CDKAL1: variants seen among roughly 807,000 people sequenced by gnomAD.
CDKAL1 encodes the protein CDKAL1 threonylcarbamoyladenosine tRNA methylthiotransferase, also known as threonylcarbamoyladenosine tRNA methylthiotransferase.
In CDKAL1, 32 loss-of-function variants were observed where a neutral mutation model predicts 68.2. The ratio of observed to expected loss-of-function variants is 0.47; its 90% CI spans 0.35 to 0.63. The LOEUF is 0.63. Ranked by LOEUF, CDKAL1 falls within the 30% of genes least tolerant of loss-of-function variation. CDKAL1 has a pLI of 0.00. For missense variants in CDKAL1, 606 were observed against 696.7 expected (o/e 0.87, Z 1.47); for synonymous variants, 234 against 244.3 (o/e 0.96, Z 0.39).
chr6:20,810,473 T>G, intron 8 of CDKAL1, among the ~76,000 whole-genome samples: 1 of 149,674 alleles, frequency 6.7e-6, no homozygotes, highest in East Asian at 2.0e-4. Context: ...ACCTGTTGCC[T>G]GTGGTCTTAG....
At chr6:20,633,887 T>C (rs1767781870) in intron 4 of CDKAL1, among the ~76,000 whole-genome samples, 1 of 152,176 alleles carries the variant, frequency 6.6e-6, no homozygotes, top group Non-Finnish European at 1.5e-5. Flanking sequence ...TGTTATTGAG[T>C]TGTGATAGTA....
At chr6:21,066,326 G>A (rs1237779313) in intron 12 of CDKAL1, among the ~76,000 whole-genome samples, 3 of 151,824 alleles carry the variant, frequency 2.0e-5, no homozygotes, top group African/African-American at 7.3e-5. Context: ...TTTGCAGGTG[G>A]ACCATTTAAT....
intron 9 of CDKAL1, among the ~76,000 whole-genome samples, chr6:20,951,426 A>T (rs1418512322): frequency 6.6e-6 from 1 of 152,150 alleles, no homozygotes; most frequent in African/African-American, 2.4e-5. Flanking sequence ...TTCTTTTATT[A>T]TCAAACTTTT....
At chr6:21,195,867 C>G (rs532103421) in intron 13 of CDKAL1, among the ~76,000 whole-genome samples, 1 of 152,074 alleles carries the variant, frequency 6.6e-6, no homozygotes, top group African/African-American at 2.4e-5. Flanking sequence ...TAGGATGACT[C>G]CTCAGTTGAG....
At chr6:20,650,824 T>G (rs1335611224) in intron 5 of CDKAL1, among the ~76,000 whole-genome samples, 1 of 152,152 alleles carries the variant, frequency 6.6e-6, no homozygotes. Context: ...CTCTCCCCAT[T>G]GCTTGTTTTT....
chr6:21,222,663 G>C (rs992616159), intron 15 of CDKAL1, among the ~76,000 whole-genome samples: 5 of 152,142 alleles, frequency 3.3e-5, no homozygotes, highest in African/African-American at 9.7e-5. Context: ...TTAATCCCCT[G>C]TATGTCCTGG....
chr6:21,229,623 G>A (rs1779879688), intron 15 of CDKAL1, among the ~76,000 whole-genome samples: 2 of 152,132 alleles, frequency 1.3e-5, no homozygotes, highest in South Asian at 4.1e-4. Flanking sequence ...TGGATTTCCT[G>A]TCCTGTCCTG....
At chr6:20,605,371 A>G (rs986731792) in intron 4 of CDKAL1, among the ~76,000 whole-genome samples, 2 of 152,126 alleles carry the variant, frequency 1.3e-5, no homozygotes, top group Non-Finnish European at 2.9e-5. Flanking sequence ...CTCGAGTTCT[A>G]TGCTTAATTT....
chr6:20,806,131 T>G (rs932251464), intron 8 of CDKAL1, among the ~76,000 whole-genome samples: 4 of 152,190 alleles, frequency 2.6e-5, no homozygotes, highest in Non-Finnish European at 5.9e-5. Context: ...TCCTCACACT[T>G]CGCACATCCT....
chr6:20,583,133 G>A lies in CDKAL1; in HGVS notation c.286+34428G>A, dbSNP rs138359477. Reference sequence around the variant, plus strand: ...GAGTTGCCAGCTAACATCTCTTAGCGGGGAGTTGGTAGATAGGTTCTATTT... The same window carrying A: ...GAGTTGCCAGCTAACATCTCTTAGCAGGGAGTTGGTAGATAGGTTCTATTT... On this transcript the variant is annotated intron_variant, in intron 4 of 15. Coordinates refer to ENST00000274695, the MANE Select transcript of CDKAL1 (RefSeq NM_017774.3). 2.5e-3 allele frequency among the ~76,000 whole-genome samples: 381 copies of A among 152,222 alleles called. 1 individual carries two copies. Among genetic ancestry groups the A allele is most frequent in the African/African-American group, 8.8e-3 (365 of 41,536 alleles).
chr6:20,689,635 T>G (rs1022293592), intron 5 of CDKAL1, among the ~76,000 whole-genome samples: 1 of 152,218 alleles, frequency 6.6e-6, no homozygotes, highest in Non-Finnish European at 1.5e-5. Flanking sequence ...ATTTCATGAG[T>G]ATTATATATA....
chr6:20,726,056 G>A (rs746702731), intron 5 of CDKAL1, among the ~76,000 whole-genome samples: 44 of 151,630 alleles, frequency 2.9e-4, no homozygotes, highest in Middle Eastern at 3.4e-3. Context: ...GCCCTGCAAA[G>A]CCATCTTTTA....
rs77061333 is a variant in CDKAL1 at position 20,559,942 on chromosome 6, T to C, written c.286+11237T>C. Reference sequence around the variant, plus strand: ...AAAATGGGCAGATGATAAATTACCATGAAAGCTTCATTTAAAAATCTGTTG... The same window carrying C: ...AAAATGGGCAGATGATAAATTACCACGAAAGCTTCATTTAAAAATCTGTTG... On this transcript the variant is annotated intron_variant, in intron 4 of 15. Coordinates refer to ENST00000274695, the MANE Select transcript of CDKAL1 (RefSeq NM_017774.3). Among the ~76,000 whole-genome samples, 555 of 152,326 alleles carry C rather than the reference T, an allele frequency of 3.6e-3. 6 individuals carry two copies. Among genetic ancestry groups the C allele is most frequent in the African/African-American group, 0.013 (534 of 41,586 alleles).
chr6:21,164,345 G>A (rs563314743), intron 13 of CDKAL1, among the ~76,000 whole-genome samples: 14 of 151,968 alleles, frequency 9.2e-5, no homozygotes, highest in African/African-American at 3.1e-4. Context: ...CTCAAAAACT[G>A]GGACCTAGAT....
At chr6:20,948,173 T>A (rs1245796213) in intron 9 of CDKAL1, among the ~76,000 whole-genome samples, 1 of 152,024 alleles carries the variant, frequency 6.6e-6, no homozygotes, top group South Asian at 2.1e-4. Context: ...CACACTACCA[T>A]GCCCAACTAA....
intron 4 of CDKAL1, among the ~76,000 whole-genome samples, chr6:20,579,322 A>T (rs1159811830): frequency 6.6e-6 from 1 of 152,154 alleles, no homozygotes; most frequent in Admixed American, 6.5e-5. Context: ...ATATACATGA[A>T]TGAAAGTATA....
At chr6:21,188,191 CTTTG>C (rs1682799290) in intron 13 of CDKAL1, among the ~76,000 whole-genome samples, 1 of 151,978 alleles carries the variant, frequency 6.6e-6, no homozygotes, top group African/African-American at 2.4e-5. Flanking sequence ...TGCTTTTTGA[CTTTG>C]TTTATGACAA....
intron 11 of CDKAL1, among the ~76,000 whole-genome samples, chr6:21,043,154 G>A (rs981881713): frequency 6.6e-6 from 1 of 152,176 alleles, no homozygotes; most frequent in Non-Finnish European, 1.5e-5. Flanking sequence ...GTTTTTGAGG[G>A]AAGGTATAGC....
intron 9 of CDKAL1, among the ~76,000 whole-genome samples, chr6:20,912,764 A>G (rs1361742344): frequency 6.6e-6 from 1 of 151,978 alleles, no homozygotes; most frequent in African/African-American, 2.4e-5. Flanking sequence ...TACTTAGCTT[A>G]CTCTGGTGGG....
Sources: allele counts gnomAD v4.1 joint callset (sites outside exome capture counted in the v4.1 genomes callset), GRCh38; gene constraint gnomAD v4.1.1; transcripts MANE v1.5; gene names NCBI Gene and HGNC (gene_info 2026-07-23, HGNC 2026-07-21).